The following TMCC1 variants were observed in gnomAD, a reference collection of about 807,000 sequenced individuals.
The protein encoded by TMCC1 is transmembrane and coiled-coil domain family 1, also known as transmembrane and coiled-coil domains protein 1.
A neutral mutation model predicts 52.4 loss-of-function variants in TMCC1; 15 were observed. The ratio of observed to expected loss-of-function variants is 0.29; its 90% CI spans 0.19 to 0.44. The LOEUF is 0.44. Ranked by LOEUF, TMCC1 falls within the 20% of genes least tolerant of loss-of-function variation. TMCC1 has a pLI of 1.00. For synonymous variants in TMCC1, 279 were observed against 301.9 expected (o/e 0.92, Z 0.79); for missense variants, 503 against 806.0 (o/e 0.62, Z 4.55).
At chr3:129,851,205 A>G (rs548268261) in intron 2 of TMCC1, among the ~76,000 whole-genome samples, 1 of 150,852 alleles carries the variant, frequency 6.6e-6, no homozygotes, top group African/African-American at 2.4e-5. Flanking sequence ...ACATGTTTTG[A>G]CAGATCCAGG....
chr3:129,651,089 C>G lies in TMCC1; in HGVS notation c.*392G>C, dbSNP rs900416487. Reference sequence around the variant, plus strand: ...GGAGAGGTGATGAGCCCAGACAAGGCAGGGTGTTAGGTTTAACTGGTTTGC... The same window carrying G: ...GGAGAGGTGATGAGCCCAGACAAGGGAGGGTGTTAGGTTTAACTGGTTTGC... On this transcript the variant is annotated 3_prime_UTR_variant, in exon 7 of 7. Coordinates refer to ENST00000393238, the MANE Select transcript of TMCC1 (RefSeq NM_001017395.5). This position sits in a 1 kb window ranked among gnomAD's most constrained non-coding sequence, Gnocchi z 5.1. 2 of 170,440 alleles carry G rather than the reference C, an allele frequency of 1.2e-5. No homozygotes were observed. Among genetic ancestry groups the G allele is most frequent in the Non-Finnish European group, 2.5e-5 (2 of 78,526 alleles). The allele number at this position is 170,440 out of a possible 1,614,324, so 10.6% of individuals were successfully genotyped here. A position where few individuals can be genotyped will look rare whatever the true frequency, so the allele number is the denominator to read the frequency against.
At chr3:129,710,362 CATT>C (rs1190442143) in intron 4 of TMCC1, among the ~76,000 whole-genome samples, 2 of 152,106 alleles carry the variant, frequency 1.3e-5, no homozygotes, top group African/African-American at 4.8e-5. Context: ...GGGACGGTCT[CATT>C]ATGTTGGCCA....
At chr3:129,762,527 C>T (rs1265791449) in intron 4 of TMCC1, among the ~76,000 whole-genome samples, 1 of 152,152 alleles carries the variant, frequency 6.6e-6, no homozygotes, top group Non-Finnish European at 1.5e-5. Flanking sequence ...ATGGCTCATG[C>T]CTGTAATCCC....
intron 2 of TMCC1, chr3:129,846,937 G>A (rs923330267): frequency 1.3e-5 from 2 of 149,986 alleles, no homozygotes; most frequent in African/African-American, 4.9e-5. Flanking sequence ...GGCCTGCAGT[G>A]AGCTATGATC....
chr3:129,884,398 C>T (rs1363192669), intron 1 of TMCC1, among the ~76,000 whole-genome samples: 6 of 152,072 alleles, frequency 3.9e-5, no homozygotes, highest in East Asian at 1.9e-4. Flanking sequence ...GAGGCTGAGA[C>T]GGGAGGATCA....
chr3:129,693,501 G>A (rs1455770129), intron 4 of TMCC1, among the ~76,000 whole-genome samples: 2 of 118,688 alleles, frequency 1.7e-5, no homozygotes, highest in Non-Finnish European at 3.7e-5. Flanking sequence ...CCCCAAGATT[G>A]AATTTTTTTT....
intron 4 of TMCC1, among the ~76,000 whole-genome samples, chr3:129,791,088 A>ATTTTTTTTT (rs34048545): frequency 1.7e-4 from 14 of 82,968 alleles, no homozygotes; most frequent in African/African-American, 5.5e-4. Flanking sequence ...ACACTCCATA[A>ATTTTTTTTT]TTTTTTTTTT....
chr3:129,684,895 T>A (rs1310658399), intron 4 of TMCC1, among the ~76,000 whole-genome samples: 1 of 152,204 alleles, frequency 6.6e-6, no homozygotes, highest in Non-Finnish European at 1.5e-5. Context: ...ACAATTTAAT[T>A]CATTTTGCAA....
At chr3:129,734,675 T>G (rs2050802981) in intron 4 of TMCC1, among the ~76,000 whole-genome samples, 1 of 152,030 alleles carries the variant, frequency 6.6e-6, no homozygotes, top group Non-Finnish European at 1.5e-5. Context: ...AGAGGGAGAT[T>G]CTGTCTCAAA....
At chr3:129,793,227 T>C (rs2056595460) in intron 4 of TMCC1, among the ~76,000 whole-genome samples, 1 of 152,000 alleles carries the variant, frequency 6.6e-6, no homozygotes, top group South Asian at 2.1e-4. Context: ...TTAAATATAT[T>C]TTAATACTCC....
intron 4 of TMCC1, among the ~76,000 whole-genome samples, chr3:129,701,054 A>G (rs183897625): frequency 4.5e-4 from 68 of 152,270 alleles, no homozygotes; most frequent in South Asian, 1.9e-3. Flanking sequence ...TATTTTATTC[A>G]TGAAGGATCC....
At chr3:129,775,987 C>G (rs2055008056) in intron 4 of TMCC1, among the ~76,000 whole-genome samples, 1 of 151,394 alleles carries the variant, frequency 6.6e-6, no homozygotes, top group African/African-American at 2.4e-5. Context: ...ATCAATTACT[C>G]TCACATTAAG....
At position 129,651,539 on chromosome 3, in the gene TMCC1, C is replaced by G; in HGVS notation, c.1904G>C (p.Trp635Ser). ...GCTGAAGAGGGCGTCCCAGTGCTTC[C>G]AGAGAAAGGCAATAAAAACCACAAG... ...LFLVVFIAFL[W>S]KHWDALFSYV... Residue 635 changes from tryptophan to serine, a missense_variant, in exon 7 of 7, where the codon TGG (tryptophan) becomes TCG (serine). Transcript: ENST00000393238. The surrounding 1 kb of genome is among the most constrained non-coding windows in gnomAD (Gnocchi z 5.1). 1 of 1,614,166 alleles carries G rather than the reference C, an allele frequency of 6.2e-7. No individual in the cohort carries two copies. Among genetic ancestry groups the G allele is most frequent in the Non-Finnish European group, 8.5e-7 (1 of 1,180,032 alleles).
At chr3:129,868,377 C>CA (rs1216253213) in intron 2 of TMCC1, among the ~76,000 whole-genome samples, 2 of 151,902 alleles carry the variant, frequency 1.3e-5, no homozygotes, top group African/African-American at 4.8e-5. Flanking sequence ...AATGTCTAAG[C>CA]AAAAAAAGAA....
At chr3:129,863,524 AAAG>A (rs1382121157) in intron 2 of TMCC1, among the ~76,000 whole-genome samples, 2 of 152,156 alleles carry the variant, frequency 1.3e-5, no homozygotes, top group Non-Finnish European at 2.9e-5. Flanking sequence ...GGGCAGAATA[AAAG>A]AATAAGGGGA....
intron 2 of TMCC1, among the ~76,000 whole-genome samples, chr3:129,842,374 G>A (rs1461452426): frequency 2.6e-5 from 4 of 152,038 alleles, no homozygotes; most frequent in African/African-American, 4.8e-5. Flanking sequence ...ACTGAGGCAC[G>A]GGAATCACTG....
At chr3:129,811,770 CCT>C (rs2107795770) in intron 4 of TMCC1, among the ~76,000 whole-genome samples, 1 of 148,924 alleles carries the variant, frequency 6.7e-6, no homozygotes, top group South Asian at 2.1e-4. Flanking sequence ...ATGGCGAAAC[CCT>C]GTCTCTACTA....
At chr3:129,821,451 T>C (rs1284340953) in intron 4 of TMCC1, among the ~76,000 whole-genome samples, 2 of 152,204 alleles carry the variant, frequency 1.3e-5, no homozygotes, top group Non-Finnish European at 2.9e-5. Context: ...TGATCTGATA[T>C]AATGATATAA....
At chr3:129,864,805 T>C (rs1363831213) in intron 2 of TMCC1, among the ~76,000 whole-genome samples, 1 of 152,220 alleles carries the variant, frequency 6.6e-6, no homozygotes, top group Non-Finnish European at 1.5e-5. Context: ...TTCTTTTTTT[T>C]CCTGTAGTAA....
Sources: allele counts gnomAD v4.1 joint callset (sites outside exome capture counted in the v4.1 genomes callset), GRCh38; gene constraint gnomAD v4.1.1; non-coding constraint Gnocchi (gnomAD v3.1); transcripts MANE v1.5; gene names NCBI Gene and HGNC (gene_info 2026-07-23, HGNC 2026-07-21).